The following SNTB2 variants were observed in gnomAD, a reference collection of about 807,000 sequenced individuals.
SNTB2 encodes the protein syntrophin beta 2, also known as beta-2-syntrophin.
Under a neutral mutation model 46.2 loss-of-function variants are expected in SNTB2, and 34 were observed. The ratio of observed to expected loss-of-function variants is 0.74; its 90% CI spans 0.56 to 0.98. SNTB2 has a LOEUF of 0.98. SNTB2 is among the 50% of genes least tolerant of loss of function. The pLI, the probability that SNTB2 is intolerant of heterozygous loss-of-function variation, is 0.00. For synonymous variants in SNTB2, 290 were observed against 312.6 expected (o/e 0.93, Z 0.76); for missense variants, 603 against 731.4 (o/e 0.82, Z 2.02).
chr16:69,309,033 T>C lies in SNTB2; in HGVS notation c.*8109T>C, dbSNP rs920349559. On this transcript the variant is annotated 3_prime_UTR_variant, in exon 7 of 7. Coordinates refer to ENST00000336278, the MANE Select transcript of SNTB2 (RefSeq NM_006750.4). ...ACCTTTGTAACCTTTATACTGTAAA[T>C]AAAAAAGTTGCTTTAGTCACGTGGG... is the stretch of plus-strand genomic sequence containing the variant. 4.6e-5 allele frequency: 7 copies of C among 151,570 alleles called. No individual in the cohort carries two copies. Among genetic ancestry groups the C allele is most frequent in the Non-Finnish European group, 8.8e-5 (6 of 67,856 alleles). 9.4% of individuals were successfully genotyped at this position (151,570 alleles called of 1,614,324 possible).
chr16:69,229,848 A>AG (rs1964490669), intron 1 of SNTB2, among the ~76,000 whole-genome samples: 1 of 146,012 alleles, frequency 6.8e-6, no homozygotes, highest in African/African-American at 2.5e-5. Flanking sequence ...GTCTCAAAAA[A>AG]AAAAAAAAAA....
At chr16:69,267,775 T>C (rs1421206550) in intron 3 of SNTB2, among the ~76,000 whole-genome samples, 2 of 152,080 alleles carry the variant, frequency 1.3e-5, no homozygotes, top group African/African-American at 4.8e-5. Flanking sequence ...CACATGCCAC[T>C]TTCAGATTAT....
chr16:69,205,728 T>C (rs1184317623), intron 1 of SNTB2, among the ~76,000 whole-genome samples: 1 of 152,182 alleles, frequency 6.6e-6, no homozygotes. Context: ...TTCTCACATA[T>C]GGCCCCCTAG....
chr16:69,217,312 A>G (rs187721130), intron 1 of SNTB2, among the ~76,000 whole-genome samples: 5 of 152,214 alleles, frequency 3.3e-5, no homozygotes, highest in East Asian at 1.9e-4. Context: ...TGTCTCTACA[A>G]AAAATACAAA....
intron 1 of SNTB2, among the ~76,000 whole-genome samples, chr16:69,244,186 A>G (rs116174587): frequency 2.3e-4 from 35 of 152,342 alleles, no homozygotes; most frequent in African/African-American, 7.9e-4. Flanking sequence ...CTTGATTCCA[A>G]AGGCATCTCT....
At chr16:69,213,710 G>T (rs958103298) in intron 1 of SNTB2, among the ~76,000 whole-genome samples, 1 of 151,278 alleles carries the variant, frequency 6.6e-6, no homozygotes, top group Non-Finnish European at 1.5e-5. Context: ...ATGCTGGCCA[G>T]GCTGGTCTGG....
intron 6 of SNTB2, among the ~76,000 whole-genome samples, chr16:69,300,176 G>C (rs1965265439): frequency 6.6e-6 from 1 of 152,156 alleles, no homozygotes; most frequent in African/African-American, 2.4e-5. Flanking sequence ...GAGATTACAG[G>C]TGTGAGCCAC....
At chr16:69,265,753 G>A (rs1242449105) in intron 3 of SNTB2, among the ~76,000 whole-genome samples, 1 of 151,568 alleles carries the variant, frequency 6.6e-6, no homozygotes, top group African/African-American at 2.4e-5. Context: ...TTTGAACCTG[G>A]GAGGCAGAGG....
intron 1 of SNTB2, among the ~76,000 whole-genome samples, chr16:69,224,695 G>T (rs1428723931): frequency 6.6e-6 from 1 of 152,150 alleles, no homozygotes; most frequent in Non-Finnish European, 1.5e-5. Context: ...GAATTCTTCT[G>T]TAAGAAAGAG....
intron 1 of SNTB2, chr16:69,235,680 A>G: frequency 8.0e-7 from 1 of 1,248,900 alleles, no homozygotes; most frequent in South Asian, 1.3e-5. Context: ...CACCAATATG[A>G]CAGCTTCAAA....
At chr16:69,241,170 T>C (rs1964610477) in intron 1 of SNTB2, among the ~76,000 whole-genome samples, 1 of 78,090 alleles carries the variant, frequency 1.3e-5, no homozygotes, top group African/African-American at 6.0e-5. Context: ...TGGATAAGCT[T>C]TTTTTTTTTT....
At chr16:69,287,888 G>T (rs1965120698) in intron 5 of SNTB2, among the ~76,000 whole-genome samples, 1 of 151,534 alleles carries the variant, frequency 6.6e-6, no homozygotes, top group Admixed American at 6.6e-5. Context: ...ATATGTATAT[G>T]CATTGGGCCA....
chr16:69,205,109 G>A (rs1257439870), intron 1 of SNTB2, among the ~76,000 whole-genome samples: 1 of 151,398 alleles, frequency 6.6e-6, no homozygotes, highest in South Asian at 2.1e-4. Flanking sequence ...TGTACTTTGT[G>A]TACAGTTGCC....
chr16:69,212,623 C>T (rs1333021297), intron 1 of SNTB2, among the ~76,000 whole-genome samples: 1 of 151,904 alleles, frequency 6.6e-6, no homozygotes, highest in Non-Finnish European at 1.5e-5. Flanking sequence ...AGGCGTGAGC[C>T]ACCGCGCCCA....
intron 1 of SNTB2, among the ~76,000 whole-genome samples, chr16:69,189,179 TATA>T (rs1964025290): frequency 6.6e-6 from 1 of 152,232 alleles, no homozygotes; most frequent in Admixed American, 6.5e-5. Context: ...GTCCCACCTT[TATA>T]ATATCCTATT....
At chr16:69,232,174 A>C (rs1424770237) in intron 1 of SNTB2, among the ~76,000 whole-genome samples, 4 of 151,452 alleles carry the variant, frequency 2.6e-5, no homozygotes, top group Non-Finnish European at 5.9e-5. Context: ...GTTTGTATAA[A>C]TTCATTGTAA....
intron 3 of SNTB2, among the ~76,000 whole-genome samples, chr16:69,266,219 C>T (rs1225766948): frequency 3.9e-5 from 6 of 152,084 alleles, no homozygotes; most frequent in African/African-American, 1.4e-4. Context: ...ACAAAATTAG[C>T]CGGGCATGGT....
chr16:69,268,968 G>A (rs1964912404), intron 3 of SNTB2, among the ~76,000 whole-genome samples: 1 of 151,844 alleles, frequency 6.6e-6, no homozygotes, highest in Admixed American at 6.6e-5. Context: ...TCAGGAGTTT[G>A]AGACCAGCCT....
chr16:69,201,396 T>G (rs1964159977), intron 1 of SNTB2, among the ~76,000 whole-genome samples: 1 of 152,152 alleles, frequency 6.6e-6, no homozygotes, highest in African/African-American at 2.4e-5. Flanking sequence ...GCCAACTTAT[T>G]TATGTGATGT....
Sources: gnomAD v4.1 joint callset for allele counts (sites outside exome capture counted in the v4.1 genomes callset) on GRCh38, gnomAD v4.1.1 for gene constraint, MANE v1.5 for transcripts, NCBI Gene and HGNC (gene_info 2026-07-23, HGNC 2026-07-21) for gene names.